Variants in KCNIP1 observed in about 807,000 individuals in gnomAD.
The protein encoded by KCNIP1 is potassium voltage-gated channel interacting protein 1, also known as A-type potassium channel modulatory protein KCNIP1.
Under a neutral mutation model 33.0 loss-of-function variants are expected in KCNIP1, and 18 were observed. The ratio of observed to expected loss-of-function variants is 0.55; its 90% CI spans 0.38 to 0.81. KCNIP1 has a LOEUF of 0.81. Among genes scored for constraint, KCNIP1 ranks in the 30% least tolerant of loss-of-function variants. The pLI is 0.00. For synonymous variants in KCNIP1, 93 were observed against 98.3 expected, an observed-to-expected ratio of 0.95 and a Z score of 0.32; for missense variants, 238 against 271.6, an observed-to-expected ratio of 0.88 and a Z score of 0.87.
In KCNIP1 at chr5:170,721,891, C is replaced by T. The variant is rs146722415; in HGVS notation, c.315C>T (p.Ser105=). The change falls in exon 4 of 8, where the codon TCC becomes TCT. Residue 105 remains serine (S), a synonymous_variant. Coordinates refer to ENST00000328939, the MANE Select transcript of KCNIP1 (RefSeq NM_014592.4). ...FNAFDTTQTG[S]VKFEDFVTAL... The stretch of plus-strand genomic sequence containing the variant: ...CCTTCGACACCACTCAGACAGGCTC[C>T]GTGAAGTTCGAGGTACGCTCATCTG... 9.9e-6 allele frequency: 16 copies of T among 1,614,104 alleles called. No homozygotes were observed. The highest frequency in any genetic ancestry group is 3.3e-5 in the Admixed American group (2 of 60,014).
Position 170,507,179 on chromosome 5 carries a change from C to T in KCNIP1, c.61+2546C>T, listed in dbSNP as rs191136277. 4.1e-3 allele frequency among the ~76,000 whole-genome samples: 619 copies of T among 152,274 alleles called. 13 individuals carry two copies. Among genetic ancestry groups the T allele is most frequent in the Admixed American group, 0.036 (549 of 15,296 alleles). ...AGGCTCAGATCTAATTAGAAGCAACCGGAAGAGAGCAGTTGGGATTTTTCA... is the reference window on the plus strand; with the variant it reads ...AGGCTCAGATCTAATTAGAAGCAACTGGAAGAGAGCAGTTGGGATTTTTCA... On this transcript the variant is annotated intron_variant, in intron 1 of 7. Transcript: ENST00000328939.
intron 1 of KCNIP1, among the ~76,000 whole-genome samples, chr5:170,713,117 G>T (rs990157604): frequency 2.6e-5 from 4 of 152,184 alleles, no homozygotes; most frequent in Non-Finnish European, 5.9e-5. Flanking sequence ...ACAGACATTT[G>T]TAAAAACTCA....
At chr5:170,362,568 C>T (rs1029345381) in intron 1 of KCNIP1, among the ~76,000 whole-genome samples, 5 of 152,146 alleles carry the variant, frequency 3.3e-5, no homozygotes, top group South Asian at 2.1e-4. Context: ...GGAGCAGGCC[C>T]GACAGCCAAG....
chr5:170,506,093 G>A (rs1032334945), intron 1 of KCNIP1, among the ~76,000 whole-genome samples: 43 of 152,146 alleles, frequency 2.8e-4, no homozygotes, highest in Non-Finnish European at 3.8e-4. Flanking sequence ...ACCACCATGC[G>A]GTCTCAGAGG....
At chr5:170,373,068 A>G (rs940132883) in intron 1 of KCNIP1, among the ~76,000 whole-genome samples, 1 of 152,196 alleles carries the variant, frequency 6.6e-6, no homozygotes, top group African/African-American at 2.4e-5. Flanking sequence ...TCCCTTTCTC[A>G]TCTCCCAAAT....
chr5:170,375,752 T>C (rs73800639), intron 1 of KCNIP1: 11,700 of 152,364 alleles, frequency 0.077, 504 homozygotes, highest in Middle Eastern at 0.16. Flanking sequence ...GCCTCAGTTT[T>C]TCATAGTAAC....
chr5:170,378,670 G>A (rs765520720), intron 1 of KCNIP1: 1 of 1,569,656 alleles, frequency 6.4e-7, no homozygotes, highest in Non-Finnish European at 8.6e-7. Context: ...AGTCCCCTGT[G>A]CCCTGACAAG....
At chr5:170,553,344 A>G (rs1561683532) in intron 1 of KCNIP1, among the ~76,000 whole-genome samples, 1 of 152,198 alleles carries the variant, frequency 6.6e-6, no homozygotes, top group Admixed American at 6.5e-5. Context: ...TCACTTGACC[A>G]ATATTAATTT....
intron 1 of KCNIP1, among the ~76,000 whole-genome samples, chr5:170,622,933 G>C (rs1036116399): frequency 1.3e-5 from 2 of 152,332 alleles, no homozygotes; most frequent in South Asian, 4.1e-4. Flanking sequence ...CACGGACAGG[G>C]TGTGTGGGGT....
Position 170,736,194 on chromosome 5 carries a change from A to G in KCNIP1, c.*388A>G, listed in dbSNP as rs1176271140. The G allele has an allele frequency of 5.1e-6, 1 of 194,682 alleles. No individual in the cohort carries two copies. Among genetic ancestry groups the G allele is most frequent in the Non-Finnish European group, 1.1e-5 (1 of 94,622 alleles). 12.1% of individuals were successfully genotyped at this position (194,682 alleles called of 1,614,324 possible). On this transcript the variant is annotated 3_prime_UTR_variant, in exon 8 of 8. Transcript: ENST00000328939. ...AGACCTTGGTGAATCTGGAAGCAAGAGGACCTGAGCCAGATGCACACCATC... is the reference window on the plus strand; with the variant it reads ...AGACCTTGGTGAATCTGGAAGCAAGGGGACCTGAGCCAGATGCACACCATC...
At chr5:170,602,271 T>G (rs1202604998) in intron 1 of KCNIP1, among the ~76,000 whole-genome samples, 1 of 152,174 alleles carries the variant, frequency 6.6e-6, no homozygotes, top group Non-Finnish European at 1.5e-5. Flanking sequence ...CCCTTCCCAC[T>G]CACCACTTCC....
chr5:170,430,375 G>A (rs1315418964), intron 1 of KCNIP1, among the ~76,000 whole-genome samples: 2 of 152,094 alleles, frequency 1.3e-5, no homozygotes, highest in Admixed American at 6.5e-5. Flanking sequence ...ATAAGCCAAT[G>A]CCCCTGACAC....
chr5:170,594,154 T>C (rs1270967069), intron 1 of KCNIP1, among the ~76,000 whole-genome samples: 1 of 152,188 alleles, frequency 6.6e-6, no homozygotes, highest in Non-Finnish European at 1.5e-5. Flanking sequence ...GACCTTTGAA[T>C]ATTCAACAAT....
At chr5:170,584,624 G>A (rs377335992) in intron 1 of KCNIP1, among the ~76,000 whole-genome samples, 19 of 152,272 alleles carry the variant, frequency 1.2e-4, no homozygotes, top group African/African-American at 4.1e-4. Flanking sequence ...GTGGAGGGGT[G>A]CCCAGCCCCC....
chr5:170,522,033 A>G (rs1755381722), intron 1 of KCNIP1, among the ~76,000 whole-genome samples: 2 of 152,168 alleles, frequency 1.3e-5, no homozygotes, highest in South Asian at 4.1e-4. Context: ...CACATGATAT[A>G]GTATGGAGAT....
chr5:170,674,199 G>GGGAGGGAA (rs1762042236), intron 1 of KCNIP1, among the ~76,000 whole-genome samples: 1 of 137,860 alleles, frequency 7.3e-6, no homozygotes, highest in Non-Finnish European at 1.6e-5. Context: ...GAGGGAGGGA[G>GGGAGGGAA]GGAGGGAGGG....
chr5:170,733,736 C>T (rs915549430), intron 6 of KCNIP1, 100 bp from the exon 7 acceptor site: 6 of 970,092 alleles, frequency 6.2e-6, no homozygotes, highest in Non-Finnish European at 9.6e-6. Context: ...ATGAAATGAG[C>T]TCCAGCTCGT....
At chr5:170,682,556 C>G (rs1001586185) in intron 1 of KCNIP1, among the ~76,000 whole-genome samples, 1 of 152,148 alleles carries the variant, frequency 6.6e-6, no homozygotes, top group Admixed American at 6.5e-5. Flanking sequence ...TTAAAAATCA[C>G]CTGAAATCTG....
At chr5:170,665,985 T>C (rs1278448579) in intron 1 of KCNIP1, among the ~76,000 whole-genome samples, 1 of 152,140 alleles carries the variant, frequency 6.6e-6, no homozygotes, top group African/African-American at 2.4e-5. Context: ...GCTAAGATTG[T>C]GTTTGTCAGG....
Sources: allele counts gnomAD v4.1 joint callset (sites outside exome capture counted in the v4.1 genomes callset), GRCh38; gene constraint gnomAD v4.1.1; transcripts MANE v1.5; gene names NCBI Gene and HGNC (gene_info 2026-07-23, HGNC 2026-07-21).